The following NF1 variants were observed in gnomAD, a reference collection of about 807,000 sequenced individuals.
The protein encoded by NF1 is neurofibromin.
NF1 carries 122 observed loss-of-function variants against 325.7 expected under a neutral mutation model. The ratio of observed to expected loss-of-function variants is 0.37; its 90% confidence interval spans 0.32 to 0.44. NF1 has a LOEUF of 0.44. Ranked by LOEUF, NF1 falls within the 20% of genes least tolerant of loss-of-function variation. The pLI is 1.00. For missense variants in NF1, 2,140 were observed against 3,415.4 expected, an observed-to-expected ratio of 0.63 and a Z score of 9.31; for synonymous variants, 1,091 against 1,186.0, an observed-to-expected ratio of 0.92 and a Z score of 1.65.
At chr17:31,229,686 G>C (rs560625508) in intron 21 of NF1, 149 bp from the exon 22 acceptor site, 3 of 1,068,268 alleles carry the variant, frequency 2.8e-6, no homozygotes, top group Middle Eastern at 6.1e-4. Context: ...GTATGGGTAC[G>C]AGTGTCTGCG....
intron 34 of NF1, 121 bp from the exon 35 acceptor site, chr17:31,261,590 T>C: frequency 9.9e-7 from 1 of 1,014,452 alleles, no homozygotes; most frequent in Non-Finnish European, 1.6e-6. Context: ...CTGAGGTCTT[T>C]TTGGTGCTGT....
chr17:31,285,924 G>A (rs533364601), intron 36 of NF1, among the ~76,000 whole-genome samples: 26 of 152,184 alleles, frequency 1.7e-4, no homozygotes, highest in Middle Eastern at 3.4e-3. Context: ...TAAAAGTATA[G>A]CGATCCAACC....
At chr17:31,101,688 A>G (rs1597559060) in intron 1 of NF1, among the ~76,000 whole-genome samples, 1 of 148,868 alleles carries the variant, frequency 6.7e-6, no homozygotes, top group African/African-American at 2.5e-5. Flanking sequence ...ATTCCTGTCC[A>G]TCCTTCAATG....
chr17:31,355,142 T>G (rs1406670542), intron 51 of NF1, among the ~76,000 whole-genome samples: 1 of 152,160 alleles, frequency 6.6e-6, no homozygotes, highest in Non-Finnish European at 1.5e-5. Flanking sequence ...AGCTCACAGA[T>G]AGTTGAAGCT....
chr17:31,138,565 GCTCT>G (rs1401935545), intron 1 of NF1: 4 of 150,638 alleles, frequency 2.7e-5, no homozygotes, highest in Admixed American at 6.6e-5. Context: ...CACCTGGCCT[GCTCT>G]CTCTATTTTA....
chr17:31,343,050 G>A lies in NF1; in HGVS notation c.7104G>A (p.Glu2368=). ...TTATGGCAATCCGGAATCCTCTGGAGTGGCACTGCAAGCAAATGGATCATT... is the reference window on the plus strand; with the variant it reads ...TTATGGCAATCCGGAATCCTCTGGAATGGCACTGCAAGCAAATGGATCATT... ...EVFMAIRNPL[E]WHCKQMDHFV... is the part of the protein sequence containing the mutation. The change falls in exon 48 of 58, where the codon GAG becomes GAA. Residue 2368 remains glutamate, a synonymous_variant. Coordinates refer to ENST00000358273, the MANE Select transcript of NF1 (RefSeq NM_001042492.3). 6.2e-7 allele frequency: 1 copy of A among 1,614,114 alleles called. No homozygotes were observed. Among genetic ancestry groups the A allele is most frequent in the Non-Finnish European group, 8.5e-7 (1 of 1,179,978 alleles).
intron 1 of NF1, among the ~76,000 whole-genome samples, chr17:31,118,987 T>A (rs1410803457): frequency 6.6e-6 from 1 of 150,868 alleles, no homozygotes; most frequent in Non-Finnish European, 1.5e-5. Flanking sequence ...CAGGCTGGAG[T>A]GTGGAGTGTG....
intron 57 of NF1, among the ~76,000 whole-genome samples, chr17:31,363,231 C>T (rs1218522234): frequency 6.6e-6 from 1 of 152,046 alleles, no homozygotes; most frequent in Non-Finnish European, 1.5e-5. Flanking sequence ...TCAAAAGTAA[C>T]CTTACTCTCC....
At chr17:31,328,216 C>CT (rs1417445618) in intron 38 of NF1, among the ~76,000 whole-genome samples, 2 of 152,146 alleles carry the variant, frequency 1.3e-5, no homozygotes, top group African/African-American at 4.8e-5. Context: ...AAAAGAAGGC[C>CT]TAATGTTCAA....
intron 36 of NF1, chr17:31,294,973 A>C (rs368891769): frequency 1.1e-4 from 173 of 1,613,670 alleles, no homozygotes; most frequent in Non-Finnish European, 7.4e-5. Context: ...TACATCAGGG[A>C]GGAGTGCTTT....
At chr17:31,147,111 G>T (rs1916634142) in intron 1 of NF1, among the ~76,000 whole-genome samples, 1 of 152,114 alleles carries the variant, frequency 6.6e-6, no homozygotes, top group Non-Finnish European at 1.5e-5. Context: ...ATAGAAAAGG[G>T]CACAAATTGT....
rs150011423 is a variant in NF1, at chr17:31,342,681, G to GA, written c.7063-327dup. ...CAGCCCAGTAGCGGGAGCTAATATT[G>GA]ATTCTAGTGCCCTTTGGATGCTAGG... On this transcript the variant is annotated intron_variant, in intron 47 of 57. Coordinates refer to ENST00000358273, the MANE Select transcript of NF1 (RefSeq NM_001042492.3). Among the ~76,000 whole-genome samples, 2,746 of 152,288 alleles carry GA rather than the reference G, an allele frequency of 0.018. 85 individuals carry two copies. The highest frequency in any genetic ancestry group is 0.063 in the African/African-American group (2,611 of 41,534).
rs554596037 is a variant in NF1 at position 31,274,220 on chromosome 17, A to G, written c.4835+8881A>G. Among the ~76,000 whole-genome samples, 6 of 152,280 alleles carry G rather than the reference A, an allele frequency of 3.9e-5. No individual in the cohort carries two copies. The South Asian group carries it at 8.3e-4, about 21-fold the overall frequency. On this transcript the variant is annotated intron_variant, in intron 36 of 57. Transcript: ENST00000358273. Reference sequence around the variant, plus strand: ...GTGTTTGTGTATGGTTTTTTAATGTATTAAACCAGTCACCTTGAAGTGCAT... The same window carrying G: ...GTGTTTGTGTATGGTTTTTTAATGTGTTAAACCAGTCACCTTGAAGTGCAT...
At chr17:31,124,671 C>T (rs868782019) in intron 1 of NF1, among the ~76,000 whole-genome samples, 2 of 140,814 alleles carry the variant, frequency 1.4e-5, no homozygotes, top group Middle Eastern at 4.2e-3. Flanking sequence ...GCGAACTCGG[C>T]TCACTGCAAG....
At chr17:31,196,519 A>G (rs62068846) in intron 8 of NF1, among the ~76,000 whole-genome samples, 6,137 of 152,244 alleles carry the variant, frequency 0.04, 166 homozygotes, top group Non-Finnish European at 0.061. Flanking sequence ...CGTTTGATAC[A>G]CAAAAGTTTT....
intron 29 of NF1, among the ~76,000 whole-genome samples, 182 bp from the exon 30 acceptor site, chr17:31,248,802 C>T (rs1567858159): frequency 6.6e-6 from 1 of 151,614 alleles, no homozygotes; most frequent in Admixed American, 6.6e-5. Flanking sequence ...GGATTGCAGG[C>T]GTAAGCCATC....
intron 1 of NF1, among the ~76,000 whole-genome samples, chr17:31,141,042 TTAA>T (rs1273236614): frequency 2.6e-5 from 4 of 152,178 alleles, no homozygotes; most frequent in African/African-American, 9.7e-5. Context: ...AAGACTATAG[TTAA>T]TAAAACAAAA....
chr17:31,122,989 G>C (rs758380107), intron 1 of NF1, among the ~76,000 whole-genome samples: 3 of 152,110 alleles, frequency 2.0e-5, no homozygotes, highest in African/African-American at 4.8e-5. Flanking sequence ...CCATTAGTAC[G>C]TGACTAAATA....
chr17:31,307,085 C>T (rs2151512251), intron 36 of NF1, among the ~76,000 whole-genome samples: 1 of 151,948 alleles, frequency 6.6e-6, no homozygotes, highest in South Asian at 2.1e-4. Flanking sequence ...TGTAGTGGCA[C>T]AATCTGGGCT....
Sources: gnomAD v4.1 joint callset for allele counts (sites outside exome capture counted in the v4.1 genomes callset) on GRCh38, gnomAD v4.1.1 for gene constraint, MANE v1.5 for transcripts, NCBI Gene and HGNC (gene_info 2026-07-23, HGNC 2026-07-21) for gene names.